CPNE4: variants seen among roughly 807,000 people sequenced by gnomAD.
CPNE4 encodes copine 4.
In CPNE4, 25 loss-of-function variants were observed where a neutral mutation model predicts 67.9. The observed-to-expected ratio is 0.37, with a 90% CI of 0.27 to 0.51. CPNE4 has a LOEUF of 0.51. Among genes scored for constraint, CPNE4 ranks in the 20% least tolerant of loss-of-function variants. The pLI is 0.93. For synonymous variants in CPNE4, 242 were observed against 244.9 expected (o/e 0.99, Z 0.11); for missense variants, 464 against 690.8 (o/e 0.67, Z 3.68).
chr3:131,713,979 C>T (rs2081621066), intron 3 of CPNE4, among the ~76,000 whole-genome samples: 1 of 152,030 alleles, frequency 6.6e-6, no homozygotes, highest in Non-Finnish European at 1.5e-5. Flanking sequence ...TGACATCATT[C>T]ATCACTCACG....
In CPNE4 at chr3:131,698,253, AG is replaced by A. The variant is rs56744823; in HGVS notation, c.433-1638del. Among the ~76,000 whole-genome samples, 966 of 110,242 alleles carry A rather than the reference AG, an allele frequency of 8.8e-3. 28 individuals are homozygous for A. The highest frequency in any genetic ancestry group is 0.034 in the African/African-American group (869 of 25,652). The allele number at this position is 110,242 out of a possible 152,430, so 72.3% of individuals were successfully genotyped here. On this transcript the variant is annotated intron_variant, in intron 4 of 15. Transcript: ENST00000429747. ...TGTCTCAAAAAAAAAAAAAAAAAAA[AG>A]AAAGAAAAGAAAAAGATCAAACTTT... is the stretch of plus-strand genomic sequence containing the variant.
At chr3:131,935,491 TG>T (rs1458733748) in intron 1 of CPNE4, among the ~76,000 whole-genome samples, 1 of 151,786 alleles carries the variant, frequency 6.6e-6, no homozygotes, top group Non-Finnish European at 1.5e-5. Context: ...ATAGAATAAA[TG>T]GGGTAGAGGA....
intron 2 of CPNE4, among the ~76,000 whole-genome samples, chr3:131,758,813 A>C (rs9846936): frequency 0.96 from 145,970 of 152,112 alleles, 70,278 homozygotes; most frequent in East Asian, 1. Context: ...GTGAATAAGT[A>C]TCAAGAGATC....
At chr3:131,587,277 G>A (rs190874696) in intron 8 of CPNE4, among the ~76,000 whole-genome samples, 21 of 152,268 alleles carry the variant, frequency 1.4e-4, no homozygotes, top group South Asian at 4.1e-4. Flanking sequence ...AAACTGTAAC[G>A]TTTGGGGTCA....
chr3:131,914,908 G>C lies in CPNE4; in HGVS notation c.-1-9464C>G, dbSNP rs144791488. Among the ~76,000 whole-genome samples the C allele has an allele frequency of 1.2e-3, 182 of 152,194 alleles. 2 individuals carry two copies. Among genetic ancestry groups the C allele is most frequent in the African/African-American group, 4.3e-3 (179 of 41,504 alleles). ...GGAGAATCGCTTGAACCCAGGAGGC[G>C]GAGTTTGCAGTGAGCCGAGATTGCG... On this transcript the variant is annotated intron_variant, in intron 1 of 15. Coordinates refer to ENST00000429747, the MANE Select transcript of CPNE4 (RefSeq NM_130808.3).
chr3:131,635,978 G>A lies in CPNE4; in HGVS notation c.681+33697C>T, dbSNP rs529311694. 2.2e-4 allele frequency among the ~76,000 whole-genome samples: 24 copies of A among 110,688 alleles called. 5 individuals are homozygous for A. In the South Asian group the frequency reaches 5.8e-3, roughly 27 times the overall value. 72.6% of individuals were successfully genotyped at this position (110,688 alleles called of 152,430 possible). On this transcript the variant is annotated intron_variant, in intron 7 of 15. Coordinates refer to ENST00000429747, the MANE Select transcript of CPNE4 (RefSeq NM_130808.3). ...CGCCTGTAGTCCCAGCTACTTGGGAGGCTGAGGCAGGAGAATGGCGTGAAC... is the reference window on the plus strand; with the variant it reads ...CGCCTGTAGTCCCAGCTACTTGGGAAGCTGAGGCAGGAGAATGGCGTGAAC...
intron 1 of CPNE4, among the ~76,000 whole-genome samples, chr3:132,033,548 C>A (rs555421604): frequency 6.6e-6 from 1 of 152,292 alleles, no homozygotes; most frequent in South Asian, 2.1e-4. Context: ...CCACCCACAT[C>A]AAGCCCTTCA....
chr3:131,738,766 ATG>A (rs1205850651), intron 2 of CPNE4, among the ~76,000 whole-genome samples: 1 of 152,192 alleles, frequency 6.6e-6, no homozygotes, highest in African/African-American at 2.4e-5. Flanking sequence ...GCTTAATCAA[ATG>A]TGAGATCATT....
intron 2 of CPNE4, among the ~76,000 whole-genome samples, chr3:131,848,841 A>G (rs6776800): frequency 0.061 from 9,191 of 151,284 alleles, 735 homozygotes; most frequent in African/African-American, 0.18. Flanking sequence ...AAAATCTACA[A>G]GCAGTCTGCT....
chr3:131,623,318 T>C (rs751212738), intron 7 of CPNE4, among the ~76,000 whole-genome samples: 19 of 152,192 alleles, frequency 1.2e-4, no homozygotes, highest in Non-Finnish European at 2.4e-4. Context: ...ATGATTTTTG[T>C]TCAGGTTATG....
chr3:131,565,745 C>T (rs889997713), intron 10 of CPNE4, among the ~76,000 whole-genome samples: 1 of 150,454 alleles, frequency 6.6e-6, no homozygotes, highest in Non-Finnish European at 1.5e-5. Context: ...AGGATTCAAA[C>T]TCTGTTTTCA....
At chr3:132,000,661 A>G (rs1053328219) in intron 1 of CPNE4, among the ~76,000 whole-genome samples, 3 of 151,844 alleles carry the variant, frequency 2.0e-5, no homozygotes, top group African/African-American at 7.2e-5. Context: ...ACCCAAAGGA[A>G]TTAGAGAGCT....
intron 1 of CPNE4, among the ~76,000 whole-genome samples, chr3:132,029,329 G>A (rs929056576): frequency 6.6e-6 from 1 of 152,156 alleles, no homozygotes; most frequent in Non-Finnish European, 1.5e-5. Context: ...TCTCCGCAGC[G>A]AGGCAATCCA....
At chr3:131,738,769 T>C (rs1186544072) in intron 2 of CPNE4, among the ~76,000 whole-genome samples, 1 of 152,222 alleles carries the variant, frequency 6.6e-6, no homozygotes, top group Non-Finnish European at 1.5e-5. Context: ...TAATCAAATG[T>C]GAGATCATTT....
In CPNE4 at chr3:131,801,450, G is replaced by GTATA. The variant is rs1233533120; in HGVS notation, c.181-77826_181-77825insTATA. Among the ~76,000 whole-genome samples the GTATA allele has an allele frequency of 2.3e-3, 92 of 39,564 alleles. 1 individual carries two copies. The highest frequency in any genetic ancestry group is 7.8e-3 in the African/African-American group (88 of 11,346). 26.0% of individuals were successfully genotyped at this position (39,564 alleles called of 152,430 possible). On this transcript the variant is annotated intron_variant, in intron 2 of 15. Transcript: ENST00000429747. ...TGTGTGTGTGTGTGTGTGTGTGTGT[G>GTATA]TGTATATATATATATATATATATAT...
At chr3:131,905,803 G>T (rs2088726974) in intron 1 of CPNE4, among the ~76,000 whole-genome samples, 1 of 152,168 alleles carries the variant, frequency 6.6e-6, no homozygotes, top group South Asian at 2.1e-4. Flanking sequence ...AAATTGTACA[G>T]ATTTGTTGGT....
intron 2 of CPNE4, among the ~76,000 whole-genome samples, chr3:131,883,410 G>A (rs2369228): frequency 0.65 from 98,199 of 151,848 alleles, 32,006 homozygotes; most frequent in Admixed American, 0.73. Context: ...TTCAACCACT[G>A]TTATCTTCTC....
chr3:131,748,499 G>T (rs1223295903), intron 2 of CPNE4, among the ~76,000 whole-genome samples: 1 of 151,916 alleles, frequency 6.6e-6, no homozygotes, highest in Non-Finnish European at 1.5e-5. Context: ...TTCTAGAAGA[G>T]ATTGTGTAAA....
intron 2 of CPNE4, among the ~76,000 whole-genome samples, chr3:131,792,925 G>GCGTGTGTATATCTATA (rs1553772401): frequency 5.9e-5 from 8 of 135,142 alleles, no homozygotes; most frequent in African/African-American, 1.7e-4. Context: ...GTGTGTGTGT[G>GCGTGTGTATATCTATA]TATCTCCAAC....
Sources: gnomAD v4.1 joint callset for allele counts (sites outside exome capture counted in the v4.1 genomes callset) on GRCh38, gnomAD v4.1.1 for gene constraint, MANE v1.5 for transcripts, NCBI Gene and HGNC (gene_info 2026-07-23, HGNC 2026-07-21) for gene names.